Variants in CYP4F12 observed in about 807,000 individuals in gnomAD.
CYP4F12 encodes the protein cytochrome P450 4F12.
A neutral mutation model predicts 56.5 loss-of-function variants in CYP4F12; 60 were observed. The ratio of observed to expected loss-of-function variants is 1.06; its 90% confidence interval spans 0.86 to 1.32. The LOEUF is 1.32. Among genes scored for constraint, CYP4F12 ranks in the 40% most tolerant of loss-of-function variants. The pLI is 0.00. For missense variants in CYP4F12, 711 were observed against 683.5 expected (o/e 1.04, Z -0.45); for synonymous variants, 263 against 264.9 (o/e 0.99, Z 0.07).
chr19:15,695,785 A>C (rs2008101394), intron 9 of CYP4F12, 151 bp from the exon 10 acceptor site: 1 of 1,195,424 alleles, frequency 8.4e-7, no homozygotes, highest in Non-Finnish European at 1.1e-6. Flanking sequence ...CTGCTTCTCT[A>C]ATTGTTTTCT....
In CYP4F12 at chr19:15,696,270, T is replaced by TTGTG. The variant is rs145964606; in HGVS notation, c.1314+58_1314+61dup. ...CCACCACCACCCCCATCCTCTACTTTTGTGTGTGTGTGTGTGAATTCCAAG... is the reference window on the plus strand; with the variant it reads ...CCACCACCACCCCCATCCTCTACTTTTGTGTGTGTGTGTGTGTGTGAATTCCAAG... On this transcript the variant is annotated intron_variant, in intron 11 of 12. Coordinates refer to ENST00000550308, the MANE Select transcript of CYP4F12 (RefSeq NM_023944.4). 4.3e-4 allele frequency: 654 copies of TTGTG among 1,533,174 alleles called. 1 individual carries two copies. The African/African-American group carries it at 7.7e-3, about 18-fold the overall frequency. 95.0% of individuals were successfully genotyped at this position (1,533,174 alleles called of 1,614,324 possible).
At chr19:15,687,110 T>C (rs1329673372) in intron 9 of CYP4F12, among the ~76,000 whole-genome samples, 3 of 152,084 alleles carry the variant, frequency 2.0e-5, no homozygotes, top group African/African-American at 7.2e-5. Flanking sequence ...ACCCCGTCTC[T>C]ACTAAAAGTA....
At chr19:15,676,023 A>AGCCTGAGTCCAGAAAG (rs2006902856) in intron 2 of CYP4F12, among the ~76,000 whole-genome samples, 1 of 152,198 alleles carries the variant, frequency 6.6e-6, no homozygotes, top group Non-Finnish European at 1.5e-5. Flanking sequence ...GTGTAAATTC[A>AGCCTGAGTCCAGAAAG]GCCTGAGTCC....
intron 9 of CYP4F12, among the ~76,000 whole-genome samples, chr19:15,689,599 A>G (rs544499840): frequency 6.6e-6 from 1 of 152,354 alleles, no homozygotes; most frequent in South Asian, 2.1e-4. Context: ...CAATCTCACT[A>G]CTAGGTATCC....
chr19:15,683,930 A>G, intron 7 of CYP4F12, 167 bp downstream of exon 7: 1 of 747,126 alleles, frequency 1.3e-6, no homozygotes, highest in Non-Finnish European at 2.0e-6. Flanking sequence ...CATGCAGCCC[A>G]CAGGGCACTG....
chr19:15,688,811 T>C (rs982621882), intron 9 of CYP4F12, among the ~76,000 whole-genome samples: 1 of 152,200 alleles, frequency 6.6e-6, no homozygotes, highest in Non-Finnish European at 1.5e-5. Flanking sequence ...GCCAAATACT[T>C]ACAGCCAACT....
At chr19:15,685,732 C>T (rs17682497) in intron 9 of CYP4F12, among the ~76,000 whole-genome samples, 21,607 of 152,120 alleles carry the variant, frequency 0.14, 2,067 homozygotes, top group Middle Eastern at 0.19. Context: ...GACATCTAGA[C>T]ATGTTCAGTC....
At chr19:15,696,879 ACAGT>A in intron 12 of CYP4F12, 25 bp from the exon 13 acceptor site, 2 of 1,590,140 alleles carry the variant, frequency 1.3e-6, no homozygotes, top group Non-Finnish European at 1.7e-6. Flanking sequence ...GGTCTTGGGC[ACAGT>A]CACAGTCCCC....
At chr19:15,692,105 C>T (rs1330812293) in intron 9 of CYP4F12, among the ~76,000 whole-genome samples, 1 of 152,058 alleles carries the variant, frequency 6.6e-6, no homozygotes, top group Non-Finnish European at 1.5e-5. Flanking sequence ...ACTACAGGCA[C>T]CCTCCACCAC....
intron 2 of CYP4F12, among the ~76,000 whole-genome samples, chr19:15,677,700 ACTTATTCC>A (rs1373214281): frequency 1.9e-5 from 2 of 103,510 alleles, no homozygotes; most frequent in South Asian, 3.1e-4. Context: ...CTCCTCCCTC[ACTTATTCC>A]TCTACCCACA....
At chr19:15,685,967 C>G (rs2007582562) in intron 9 of CYP4F12, among the ~76,000 whole-genome samples, 1 of 133,426 alleles carries the variant, frequency 7.5e-6, no homozygotes, top group Admixed American at 8.1e-5. Flanking sequence ...TTCCACATGC[C>G]TTTCCATTGC....
rs537944013 is a variant in CYP4F12 at position 15,696,904 on chromosome 19, G to A, written c.1398-4G>A. On this transcript the variant is annotated splice_polypyrimidine_tract_variant and splice_region_variant and intron_variant, in intron 12 of 12. Transcript: ENST00000550308. ...ACAGTCACAGTCCCCACTCCCGCCT[G>A]CAGGAACTGCATCGGGCAGGCGTTC... The A allele has an allele frequency of 5.1e-5, 82 of 1,610,382 alleles. No individual in the cohort carries two copies. The East Asian group carries it at 8.9e-4, about 18-fold the overall frequency.
intron 2 of CYP4F12, among the ~76,000 whole-genome samples, chr19:15,677,757 T>C (rs1304887288): frequency 3.3e-4 from 4 of 12,196 alleles, no homozygotes; most frequent in Non-Finnish European, 5.8e-4. Flanking sequence ...CCTCTACCCA[T>C]GCACTCATTC....
rs1190090786 is a variant in CYP4F12 at position 15,680,528 on chromosome 19, C to T, written c.525+9C>T. On this transcript the variant is annotated intron_variant, in intron 5 of 12. Coordinates refer to ENST00000550308, the MANE Select transcript of CYP4F12 (RefSeq NM_023944.4). ...GTGCAAACATCATGCTTGTGAGTCCCTTGAAGTCTGGGTCCCAGATGGAGT... is the reference window on the plus strand; with the variant it reads ...GTGCAAACATCATGCTTGTGAGTCCTTTGAAGTCTGGGTCCCAGATGGAGT... The T allele has an allele frequency of 1.2e-6, 2 of 1,614,078 alleles. No individual in the cohort carries two copies. The highest frequency in any genetic ancestry group is 1.7e-6 in the Non-Finnish European group (2 of 1,180,006).
At chr19:15,679,251 T>C (rs1349296546) in intron 3 of CYP4F12, among the ~76,000 whole-genome samples, 1 of 152,216 alleles carries the variant, frequency 6.6e-6, no homozygotes, top group African/African-American at 2.4e-5. Context: ...TCTAAGCAAA[T>C]AAAGAGAGTC....
At chr19:15,681,065 A>C (rs1267964865) in intron 5 of CYP4F12, 1 of 176,010 alleles carries the variant, frequency 5.7e-6, no homozygotes, top group African/African-American at 2.4e-5. Context: ...TCCAGAAGGC[A>C]CCCTGTTGTT....
chr19:15,682,463 G>T lies in CYP4F12; in HGVS notation c.600G>T (p.Leu200Phe), dbSNP rs1169019367. Reference protein sequence around the residue: ...DMFEHISLMTLDSLQKCIFSF... With the variant: ...DMFEHISLMTFDSLQKCIFSF... ...TTGAGCACATCAGCCTCATGACCTT[G>T]GACAGTCTACAGAAATGCATCTTCA... Residue 200 changes from leucine to phenylalanine, a missense_variant, in exon 6 of 13, where the codon TTG (leucine) becomes TTT (phenylalanine). Transcript: ENST00000550308. The T allele has an allele frequency of 6.2e-7, 1 of 1,613,838 alleles. No homozygotes were observed. The highest frequency in any genetic ancestry group is 8.5e-7 in the Non-Finnish European group (1 of 1,179,856).
chr19:15,684,626 C>T (rs1329772107), intron 7 of CYP4F12, 190 bp from the exon 8 acceptor site: 1 of 550,484 alleles, frequency 1.8e-6, no homozygotes, highest in Non-Finnish European at 3.1e-6. Flanking sequence ...GGGGGAAGCC[C>T]TTGGAGTTGG....
chr19:15,679,474 A>AT (rs1196525558), intron 3 of CYP4F12, among the ~76,000 whole-genome samples: 2 of 27,164 alleles, frequency 7.4e-5, no homozygotes, highest in Non-Finnish European at 2.2e-4. Flanking sequence ...GGTCCCATAA[A>AT]TAGCCGCCTA....
Sources: gnomAD v4.1 joint callset for allele counts (sites outside exome capture counted in the v4.1 genomes callset) on GRCh38, gnomAD v4.1.1 for gene constraint, MANE v1.5 for transcripts, NCBI Gene and HGNC (gene_info 2026-07-23, HGNC 2026-07-21) for gene names.